PTPRD: variants seen among roughly 807,000 people sequenced by gnomAD.
PTPRD encodes protein tyrosine phosphatase receptor type D.
In PTPRD, 34 loss-of-function variants were observed where a neutral mutation model predicts 214.5. The ratio of observed to expected loss-of-function variants is 0.16; its 90% CI spans 0.12 to 0.21. PTPRD has a LOEUF of 0.21. Among genes scored for constraint, PTPRD ranks in the 10% least tolerant of loss-of-function variants. The pLI is 1.00. For synonymous variants in PTPRD, 1,128 were observed against 845.7 expected (o/e 1.33, Z -5.79); for missense variants, 2,545 against 2,398.7 (o/e 1.06, Z -1.27).
At chr9:8,503,486 CA>C (rs2097463317) in intron 23 of PTPRD, among the ~76,000 whole-genome samples, 1 of 151,954 alleles carries the variant, frequency 6.6e-6, no homozygotes, top group African/African-American at 2.4e-5. Flanking sequence ...TAATAAAAAG[CA>C]ATTAATAATA....
chr9:10,370,082 G>A (rs1391692301), intron 2 of PTPRD, among the ~76,000 whole-genome samples: 1 of 152,014 alleles, frequency 6.6e-6, no homozygotes, highest in Non-Finnish European at 1.5e-5. Flanking sequence ...ATTGAATGAG[G>A]TCTTACAGCT....
chr9:10,023,778 A>G (rs528840887), intron 4 of PTPRD, among the ~76,000 whole-genome samples: 6 of 151,666 alleles, frequency 4.0e-5, no homozygotes, highest in East Asian at 3.9e-4. Context: ...AAGCTTTGGG[A>G]AAAAAAACTT....
At chr9:9,555,933 C>T (rs150348960) in intron 8 of PTPRD, among the ~76,000 whole-genome samples, 107 of 152,214 alleles carry the variant, frequency 7.0e-4, no homozygotes, top group African/African-American at 2.5e-3. Context: ...AGAACCTTTG[C>T]TTCCTTTTAA....
At chr9:9,134,916 T>C (rs28498199) in intron 10 of PTPRD, among the ~76,000 whole-genome samples, 5,985 of 152,196 alleles carry the variant, frequency 0.039, 256 homozygotes, top group African/African-American at 0.095. Context: ...TCAGTAGTTA[T>C]GTCACAGGAT....
intron 7 of PTPRD, among the ~76,000 whole-genome samples, chr9:9,695,386 G>C (rs772805714): frequency 6.6e-6 from 1 of 152,118 alleles, no homozygotes; most frequent in Admixed American, 6.5e-5. Flanking sequence ...TCATTGCTAT[G>C]AGCTGGGTTG....
intron 9 of PTPRD, among the ~76,000 whole-genome samples, chr9:9,380,835 T>C (rs1385493107): frequency 1.3e-5 from 2 of 152,176 alleles, no homozygotes; most frequent in East Asian, 3.8e-4. Flanking sequence ...TATCAGTTTC[T>C]GCCTCTTGTA....
chr9:10,350,288 G>A (rs115323961), intron 2 of PTPRD, among the ~76,000 whole-genome samples: 1,887 of 152,160 alleles, frequency 0.012, 38 homozygotes, highest in African/African-American at 0.042. Context: ...ACTATAAGAA[G>A]AAACTTTAAA....
intron 2 of PTPRD, among the ~76,000 whole-genome samples, chr9:10,439,546 T>C (rs530905625): frequency 9.9e-4 from 151 of 151,816 alleles, no homozygotes; most frequent in Non-Finnish European, 1.8e-3. Context: ...TGAAAAACTC[T>C]CTGAATTCAA....
chr9:10,348,366 G>A (rs1422847706), intron 2 of PTPRD, among the ~76,000 whole-genome samples: 2 of 152,092 alleles, frequency 1.3e-5, no homozygotes, highest in African/African-American at 2.4e-5. Flanking sequence ...TAAAATGAAT[G>A]TTAGAAAACA....
chr9:8,947,569 C>A (rs890609639), intron 11 of PTPRD, among the ~76,000 whole-genome samples: 1 of 152,024 alleles, frequency 6.6e-6, no homozygotes, highest in Non-Finnish European at 1.5e-5. Context: ...TGTTCATCCT[C>A]CTATGTTTCA....
At chr9:10,564,312 G>C (rs2064988749) in intron 2 of PTPRD, among the ~76,000 whole-genome samples, 1 of 149,848 alleles carries the variant, frequency 6.7e-6, no homozygotes, top group Non-Finnish European at 1.5e-5. Flanking sequence ...GCTGAGTCCA[G>C]CCTCATATCC....
At chr9:9,311,830 T>C (rs1959099736) in intron 9 of PTPRD, among the ~76,000 whole-genome samples, 2 of 152,202 alleles carry the variant, frequency 1.3e-5, no homozygotes, top group South Asian at 2.1e-4. Context: ...TTGTTTTCAT[T>C]GACTGTATCC....
At chr9:9,016,659 CT>C (rs969095572) in intron 11 of PTPRD, among the ~76,000 whole-genome samples, 3 of 152,090 alleles carry the variant, frequency 2.0e-5, no homozygotes, top group Non-Finnish European at 4.4e-5. Context: ...GACCTACCCC[CT>C]AAATGACTTA....
At chr9:8,494,343 C>T (rs1468010084) in intron 26 of PTPRD, among the ~76,000 whole-genome samples, 2 of 152,136 alleles carry the variant, frequency 1.3e-5, no homozygotes, top group East Asian at 3.9e-4. Flanking sequence ...TGAAGAGTCA[C>T]TGGAAATTTT....
At chr9:9,950,262 T>C (rs146126413) in intron 4 of PTPRD, among the ~76,000 whole-genome samples, 4 of 152,192 alleles carry the variant, frequency 2.6e-5, no homozygotes, top group South Asian at 2.1e-4. Context: ...CAGATGGGGA[T>C]GCTGTGAATT....
chr9:9,812,027 T>C (rs1031212155), intron 5 of PTPRD, among the ~76,000 whole-genome samples: 1 of 152,174 alleles, frequency 6.6e-6, no homozygotes, highest in Non-Finnish European at 1.5e-5. Flanking sequence ...TTAGCAGCCA[T>C]CAACATTGAG....
chr9:9,648,647 T>C (rs1209373008), intron 7 of PTPRD, among the ~76,000 whole-genome samples: 1 of 152,054 alleles, frequency 6.6e-6, no homozygotes, highest in Admixed American at 6.6e-5. Flanking sequence ...CACTAAGGAG[T>C]TGTAGCACAA....
chr9:9,002,435 T>G (rs898161053), intron 11 of PTPRD, among the ~76,000 whole-genome samples: 2 of 152,018 alleles, frequency 1.3e-5, no homozygotes, highest in Non-Finnish European at 2.9e-5. Flanking sequence ...ACACCACTAT[T>G]AGTGAAAAAA....
At position 9,980,793 on chromosome 9, in the gene PTPRD, A is replaced by T. The variant is rs560168365; in HGVS notation, c.-471-42183T>A. Among the ~76,000 whole-genome samples, 108 of 152,186 alleles carry T rather than the reference A, an allele frequency of 7.1e-4. 2 individuals carry two copies. The South Asian group carries it at 0.012, about 18-fold the overall frequency. ...AGGTCGCAAAAAAGCCAGAAAATTA[A>T]TAGATAATTAGGCAAAGCGTATTTA... On this transcript the variant is annotated intron_variant, in intron 4 of 45. Coordinates refer to ENST00000381196, the MANE Select transcript of PTPRD (RefSeq NM_002839.4).
Sources: allele counts gnomAD v4.1 joint callset (sites outside exome capture counted in the v4.1 genomes callset), GRCh38; gene constraint gnomAD v4.1.1; transcripts MANE v1.5; gene names NCBI Gene and HGNC (gene_info 2026-07-23, HGNC 2026-07-21).